The following CAPN7 variants were observed in gnomAD, a reference collection of about 807,000 sequenced individuals.
CAPN7 encodes calpain 7.
Under a neutral mutation model 115.2 loss-of-function variants are expected in CAPN7, and 72 were observed. The observed-to-expected ratio is 0.63, with a 90% CI of 0.52 to 0.76. CAPN7 has a LOEUF of 0.76. CAPN7 is among the 30% of genes least tolerant of loss of function. The pLI, the probability that CAPN7 is intolerant of heterozygous loss-of-function variation, is 0.00. For synonymous variants in CAPN7, 344 were observed against 322.3 expected, an observed-to-expected ratio of 1.07 and a Z score of -0.72; for missense variants, 905 against 971.5, an observed-to-expected ratio of 0.93 and a Z score of 0.91.
At chr3:15,227,707 A>G (rs1436249820) in intron 6 of CAPN7, 132 bp from the exon 7 acceptor site, 2 of 437,942 alleles carry the variant, frequency 4.6e-6, no homozygotes, top group Non-Finnish European at 7.8e-6. Flanking sequence ...ATTTGACCAG[A>G]AGGTTATTTT....
chr3:15,244,352 T>G (rs1207633597), intron 16 of CAPN7, among the ~76,000 whole-genome samples: 1 of 152,258 alleles, frequency 6.6e-6, no homozygotes, highest in Non-Finnish European at 1.5e-5. Context: ...ATCTTATGTA[T>G]AGTGATTTTG....
At chr3:15,216,926 G>C (rs1693638752) in intron 2 of CAPN7, among the ~76,000 whole-genome samples, 1 of 151,616 alleles carries the variant, frequency 6.6e-6, no homozygotes, top group Admixed American at 6.6e-5. Flanking sequence ...TTTTTTCTTA[G>C]ACCTTAAGAT....
rs1440473945 is a variant in CAPN7 at position 15,221,113 on chromosome 3, TC to T, written c.638+133del. ...ATTGTGCTGTTATTATGTAATTATA[TC>T]ATCATGTAGTCACAACTTGAAATAG... On this transcript the variant is annotated intron_variant, in intron 5 of 20. Transcript: ENST00000253693. 6.2e-6 allele frequency: 4 copies of T among 643,768 alleles called. No homozygotes were observed. The East Asian group carries it at 1.1e-4, about 18-fold the overall frequency. The allele number at this position is 643,768 out of a possible 1,614,324, so 39.9% of individuals were successfully genotyped here.
At chr3:15,215,413 G>C (rs1277875999) in intron 2 of CAPN7, among the ~76,000 whole-genome samples, 1 of 152,136 alleles carries the variant, frequency 6.6e-6, no homozygotes, top group Non-Finnish European at 1.5e-5. Flanking sequence ...CCTATTCCCA[G>C]AGTTGTGCAG....
intron 2 of CAPN7, 61 bp downstream of exon 2, chr3:15,212,273 C>A (rs1317217467): frequency 3.4e-6 from 3 of 885,950 alleles, no homozygotes; most frequent in East Asian, 2.6e-5. Flanking sequence ...CATGTCTTTC[C>A]CCCATGTTTG....
At chr3:15,240,416 A>G in intron 12 of CAPN7, 57 bp from the exon 13 acceptor site, 3 of 1,474,976 alleles carry the variant, frequency 2.0e-6, no homozygotes, top group Non-Finnish European at 2.8e-6. Context: ...TAAGAGAACT[A>G]ATATGGTAAA....
intron 18 of CAPN7, among the ~76,000 whole-genome samples, chr3:15,247,009 G>C (rs1456721958): frequency 6.6e-6 from 1 of 152,178 alleles, no homozygotes; most frequent in Admixed American, 6.5e-5. Context: ...GCAAACTTTG[G>C]TTGTTAGAGA....
At chr3:15,231,345 A>T (rs1694674402) in intron 9 of CAPN7, among the ~76,000 whole-genome samples, 1 of 152,148 alleles carries the variant, frequency 6.6e-6, no homozygotes, top group Admixed American at 6.5e-5. Context: ...GGTGATGCTG[A>T]TGTTGTTGTC....
intron 12 of CAPN7, among the ~76,000 whole-genome samples, chr3:15,236,917 C>T (rs1020137633): frequency 1.3e-5 from 2 of 152,154 alleles, no homozygotes; most frequent in African/African-American, 4.8e-5. Flanking sequence ...AAGCCTAGGA[C>T]ATTGCTGTAC....
At position 15,220,724 on chromosome 3, in the gene CAPN7, A is replaced by G. The variant is rs1045646538; in HGVS notation, c.438-57A>G. 16 of 1,534,032 alleles carry G rather than the reference A, an allele frequency of 1.0e-5. No individual in the cohort carries two copies. In the African/African-American group the frequency reaches 1.5e-4, roughly 14 times the overall value. On this transcript the variant is annotated intron_variant, in intron 4 of 20. Coordinates refer to ENST00000253693, the MANE Select transcript of CAPN7 (RefSeq NM_014296.3). ...TTCTTCAAGTAAATTTTGTTTCCTG[A>G]AAAGCTTAAATGTGAGTAGAAAAAC...
At chr3:15,210,673 C>T (rs1005711054) in intron 1 of CAPN7, 11 of 523,918 alleles carry the variant, frequency 2.1e-5, no homozygotes, top group Non-Finnish European at 3.2e-5. Context: ...CAGCTCACTG[C>T]AGCCTCCACC....
intron 8 of CAPN7, 43 bp downstream of exon 8, chr3:15,229,102 C>T: frequency 5.0e-6 from 7 of 1,398,162 alleles, no homozygotes; most frequent in Non-Finnish European, 6.1e-6. Context: ...GTAATTGTCC[C>T]TTAACTAGAA....
intron 19 of CAPN7, among the ~76,000 whole-genome samples, chr3:15,249,025 C>A (rs1287454): frequency 0.9 from 118,126 of 130,568 alleles, 53,418 homozygotes; most frequent in East Asian, 0.97. Context: ...AAAAAAAAAA[C>A]AAAAACAGAA....
intron 2 of CAPN7, among the ~76,000 whole-genome samples, chr3:15,214,979 A>G (rs993823294): frequency 2.0e-5 from 3 of 152,240 alleles, no homozygotes; most frequent in Non-Finnish European, 4.4e-5. Context: ...AAAGTCTCCC[A>G]CAACAAAGAA....
At chr3:15,227,109 T>TAAAA (rs61571165) in intron 6 of CAPN7, among the ~76,000 whole-genome samples, 1 of 128,270 alleles carries the variant, frequency 7.8e-6, no homozygotes, top group Non-Finnish European at 1.7e-5. Context: ...CCTCAACTGT[T>TAAAA]AAAAAAAAAA....
In CAPN7 at chr3:15,206,352, A is replaced by G; in HGVS notation, c.-144A>G. The G allele has an allele frequency of 1.7e-6, 1 of 587,216 alleles. No homozygotes were observed. The allele number at this position is 587,216 out of a possible 1,614,324, so 36.4% of individuals were successfully genotyped here. ...ACCCCAGCCCGGCAACGGGAAGGCGAGCTCTCCTCCACCGTCCAAAGTAAA... is the reference window on the plus strand; with the variant it reads ...ACCCCAGCCCGGCAACGGGAAGGCGGGCTCTCCTCCACCGTCCAAAGTAAA... On this transcript the variant is annotated 5_prime_UTR_variant, in exon 1 of 21. Coordinates refer to ENST00000253693, the MANE Select transcript of CAPN7 (RefSeq NM_014296.3).
chr3:15,220,887 A>G lies in CAPN7; in HGVS notation c.544A>G (p.Asn182Asp), dbSNP rs766629614. The G allele has an allele frequency of 6.2e-7, 1 of 1,614,202 alleles. No homozygotes were observed. Among genetic ancestry groups the G allele is most frequent in the South Asian group, 1.1e-5 (1 of 91,088 alleles). Residue 182 changes from asparagine (N) to aspartate (D), a missense_variant, in exon 5 of 21, where the codon AAT (asparagine) becomes GAT (aspartate). This residue lies in a region of CAPN7 where 271 missense variants were observed against 239.6 expected (regional missense o/e 1.13). Coordinates refer to ENST00000253693, the MANE Select transcript of CAPN7 (RefSeq NM_014296.3). Reference protein sequence around the residue: ...PVRAHFPLGANPFLERPQSFI... With the variant: ...PVRAHFPLGADPFLERPQSFI... The stretch of plus-strand genomic sequence containing the variant: ...GAGAGCACATTTTCCACTGGGCGCT[A>G]ATCCCTTCCTTGAAAGACCTCAGTC...
At chr3:15,216,842 T>G (rs1693632847) in intron 2 of CAPN7, among the ~76,000 whole-genome samples, 1 of 152,186 alleles carries the variant, frequency 6.6e-6, no homozygotes, top group African/African-American at 2.4e-5. Flanking sequence ...AGGGAAAGAA[T>G]TTTTTAAATA....
chr3:15,218,441 T>C, intron 3 of CAPN7, 32 bp from the exon 4 acceptor site: 2 of 1,524,168 alleles, frequency 1.3e-6, no homozygotes, highest in Non-Finnish European at 1.8e-6. Context: ...ATAATTATGC[T>C]TTAAAATGTC....
Sources: allele counts gnomAD v4.1 joint callset (sites outside exome capture counted in the v4.1 genomes callset), GRCh38; gene constraint gnomAD v4.1.1; regional missense constraint gnomAD v4.1.1; transcripts MANE v1.5; gene names NCBI Gene and HGNC (gene_info 2026-07-23, HGNC 2026-07-21).